SNTB2: variants seen among roughly 807,000 people sequenced by gnomAD.
The protein encoded by SNTB2 is beta-2-syntrophin.
Under a neutral mutation model 46.2 loss-of-function variants are expected in SNTB2, and 34 were observed. The ratio of observed to expected loss-of-function variants is 0.74; its 90% confidence interval spans 0.56 to 0.98. The LOEUF (loss-of-function observed/expected upper bound fraction) is 0.98. SNTB2 is among the 50% of genes least tolerant of loss of function. SNTB2 has a pLI of 0.00. For missense variants in SNTB2, 603 were observed against 731.4 expected (o/e 0.82, Z 2.02); for synonymous variants, 290 against 312.6 (o/e 0.93, Z 0.76).
At chr16:69,223,778 G>A (rs1277110261) in intron 1 of SNTB2, among the ~76,000 whole-genome samples, 2 of 152,022 alleles carry the variant, frequency 1.3e-5, no homozygotes, top group African/African-American at 2.4e-5. Context: ...ACAGGTGCCC[G>A]CCACCATGCC....
At position 69,262,503 on chromosome 16, in the gene SNTB2, GT is replaced by G. The variant is rs562743853; in HGVS notation, c.1005+2251del. 1.7e-4 allele frequency among the ~76,000 whole-genome samples: 25 copies of G among 151,080 alleles called. 1 individual carries two copies. The South Asian group carries it at 1.7e-3, about 10-fold the overall frequency. On this transcript the variant is annotated intron_variant, in intron 3 of 6. Transcript: ENST00000336278. ...GTTTAATTTCCATGTTCATAGTGTT[GT>G]TTTTTTTAATTGGCAAATAATTATG...
intron 1 of SNTB2, among the ~76,000 whole-genome samples, chr16:69,242,858 A>G (rs1964631717): frequency 6.6e-6 from 1 of 152,118 alleles, no homozygotes; most frequent in African/African-American, 2.4e-5. Flanking sequence ...CGTCTCTACT[A>G]AAAATACAAA....
intron 2 of SNTB2, among the ~76,000 whole-genome samples, chr16:69,253,665 A>G (rs1964746388): frequency 6.6e-6 from 1 of 152,062 alleles, no homozygotes; most frequent in Non-Finnish European, 1.5e-5. Context: ...AAAAACAAAA[A>G]CAAAAAAGCT....
At chr16:69,220,154 ATTTTTTT>A (rs889068336) in intron 1 of SNTB2, among the ~76,000 whole-genome samples, 136 of 97,578 alleles carry the variant, frequency 1.4e-3, no homozygotes, top group African/African-American at 5.3e-3. Context: ...AGAAAGTCAG[ATTTTTTT>A]TTTTTTTTTT....
intron 2 of SNTB2, among the ~76,000 whole-genome samples, chr16:69,249,917 G>C (rs1393553715): frequency 2.6e-5 from 4 of 152,008 alleles, no homozygotes; most frequent in African/African-American, 9.7e-5. Context: ...TGGCCAACAT[G>C]GTGAAACCCC....
rs1205449695 is a variant in SNTB2, at chr16:69,270,169, A to G, written c.1032A>G (p.Gln344=). 4 of 1,614,040 alleles carry G rather than the reference A, an allele frequency of 2.5e-6. No homozygotes were observed. The highest frequency in any genetic ancestry group is 2.2e-5 in the East Asian group (1 of 44,902). ...EQAKLDGGRQ[Q]WRPVLMAVTE... ...CAAAACTAGATGGTGGAAGACAGCA[A>G]TGGAGACCTGTCCTCATGGCTGTGA... The change falls in exon 4 of 7, where the codon CAA becomes CAG. Residue 344 remains glutamine, a synonymous_variant. Transcript: ENST00000336278.
chr16:69,298,398 C>T (rs1001823118), intron 5 of SNTB2, among the ~76,000 whole-genome samples: 3 of 152,188 alleles, frequency 2.0e-5, no homozygotes. Flanking sequence ...AAATGCCAAC[C>T]AAACCATGTC....
chr16:69,262,272 GTGAGAGTT>G (rs1179912141), intron 3 of SNTB2, among the ~76,000 whole-genome samples: 1 of 151,838 alleles, frequency 6.6e-6, no homozygotes, highest in African/African-American at 2.4e-5. Context: ...AGTTTGGATA[GTGAGAGTT>G]CAGAGGGTAG....
intron 4 of SNTB2, 26 bp from the exon 5 acceptor site, chr16:69,284,022 G>T (rs766450672): frequency 1.9e-6 from 3 of 1,552,700 alleles, no homozygotes; most frequent in African/African-American, 2.7e-5. Flanking sequence ...AGTTACTTTT[G>T]ATCTCTGCTC....
At chr16:69,276,197 G>T (rs1051903524) in intron 4 of SNTB2, among the ~76,000 whole-genome samples, 1 of 138,562 alleles carries the variant, frequency 7.2e-6, no homozygotes, top group Non-Finnish European at 1.6e-5. Context: ...AGAGAAAAAA[G>T]ATCTCAAAAA....
At chr16:69,287,752 G>C (rs1026298515) in intron 5 of SNTB2, among the ~76,000 whole-genome samples, 2 of 151,794 alleles carry the variant, frequency 1.3e-5, no homozygotes, top group African/African-American at 4.8e-5. Context: ...CCAGCTACTC[G>C]GGATGGTGAG....
chr16:69,191,142 G>T (rs1476545311), intron 1 of SNTB2: 2 of 151,516 alleles, frequency 1.3e-5, no homozygotes, highest in East Asian at 3.9e-4. Context: ...GAGTGCAGTG[G>T]TGTTTACAAC....
chr16:69,205,114 G>A (rs1183950155), intron 1 of SNTB2, among the ~76,000 whole-genome samples: 1 of 151,396 alleles, frequency 6.6e-6, no homozygotes, highest in African/African-American at 2.4e-5. Context: ...TTTGTGTACA[G>A]TTGCCCTCAA....
At position 69,245,781 on chromosome 16, in the gene SNTB2, G is replaced by T. The variant is rs1964664779; in HGVS notation, c.760G>T (p.Ala254Ser). The change falls in exon 2 of 7, where the codon GCT becomes TCT. Residue 254 changes from alanine to serine, a missense_variant. Physicochemically the swap from Ala to Ser is moderately conservative, Grantham distance 99 (BLOSUM62 1). This residue lies in a region of SNTB2 where 537 missense variants were observed against 692.4 expected (regional missense o/e 0.78). Transcript: ENST00000336278. Reference sequence around the variant, plus strand: ...CATCCCTCTCAAAATGTGCTTTGCTGCTAGAAACCTAAGCATGCCGGATCT... The same window carrying T: ...CATCCCTCTCAAAATGTGCTTTGCTTCTAGAAACCTAAGCATGCCGGATCT... ...KIIPLKMCFA[A>S]RNLSMPDLEN... 2 of 1,613,918 alleles carry T rather than the reference G, an allele frequency of 1.2e-6. No homozygotes were observed. The highest frequency in any genetic ancestry group is 1.7e-6 in the Non-Finnish European group (2 of 1,180,012).
chr16:69,281,116 T>G (rs1965038952), intron 4 of SNTB2, among the ~76,000 whole-genome samples: 1 of 152,236 alleles, frequency 6.6e-6, no homozygotes, highest in Admixed American at 6.5e-5. Flanking sequence ...ACAGTATTTT[T>G]TGCAGATCAG....
chr16:69,284,855 T>C (rs1965086799), intron 5 of SNTB2, among the ~76,000 whole-genome samples: 1 of 151,450 alleles, frequency 6.6e-6, no homozygotes, highest in South Asian at 2.1e-4. Context: ...ACTGAGTGAG[T>C]TGAGATCATA....
chr16:69,284,466 A>T (rs1048865697), intron 5 of SNTB2, among the ~76,000 whole-genome samples: 1 of 123,324 alleles, frequency 8.1e-6, no homozygotes, highest in East Asian at 2.1e-4. Flanking sequence ...TACTAAAAAA[A>T]AAAAAAAAAA....
At chr16:69,196,790 A>G (rs1393300806) in intron 1 of SNTB2, among the ~76,000 whole-genome samples, 1 of 152,210 alleles carries the variant, frequency 6.6e-6, no homozygotes, top group Non-Finnish European at 1.5e-5. Flanking sequence ...TTTGTAGGTG[A>G]TAGAGGCAAG....
At chr16:69,243,880 A>G (rs1964642614) in intron 1 of SNTB2, among the ~76,000 whole-genome samples, 1 of 152,128 alleles carries the variant, frequency 6.6e-6, no homozygotes, top group Non-Finnish European at 1.5e-5. Flanking sequence ...TAGCATTGGA[A>G]TTGTTATATT....
Sources: gnomAD v4.1 joint callset for allele counts (sites outside exome capture counted in the v4.1 genomes callset) on GRCh38, gnomAD v4.1.1 for gene constraint, gnomAD v4.1.1 regional missense constraint, MANE v1.5 for transcripts, NCBI Gene and HGNC (gene_info 2026-07-23, HGNC 2026-07-21) for gene names.